The following COL4A3 variants were observed in gnomAD, a reference collection of about 807,000 sequenced individuals.
COL4A3 encodes collagen alpha-3(IV) chain.
In COL4A3, 135 loss-of-function variants were observed where a neutral mutation model predicts 217.4. That is an observed-to-expected ratio of 0.62 (90% confidence interval 0.54 to 0.72). COL4A3 has a LOEUF of 0.72. Among genes scored for constraint, COL4A3 ranks in the 30% least tolerant of loss-of-function variants. The probability of loss-of-function intolerance (pLI) is 0.00; values close to 1 mark genes in which losing one functional copy is unlikely to be tolerated. For synonymous variants in COL4A3, 690 were observed against 736.3 expected (o/e 0.94, Z 1.02); for missense variants, 1,868 against 2,119.9 (o/e 0.88, Z 2.33).
intron 1 of COL4A3, among the ~76,000 whole-genome samples, chr2:227,217,152 G>A (rs2067556114): frequency 6.6e-6 from 1 of 152,186 alleles, no homozygotes; most frequent in African/African-American, 2.4e-5. Flanking sequence ...AAGAGAGAAT[G>A]AGGACCAACT....
intron 21 of COL4A3, among the ~76,000 whole-genome samples, 165 bp downstream of exon 21, chr2:227,264,109 G>C (rs2070752695): frequency 6.6e-6 from 1 of 152,182 alleles, no homozygotes; most frequent in Non-Finnish European, 1.5e-5. Context: ...GAAAGAAACT[G>C]ATGCAATGAC....
chr2:227,277,146 C>T (rs530679047), intron 27 of COL4A3, among the ~76,000 whole-genome samples: 4 of 152,044 alleles, frequency 2.6e-5, no homozygotes, highest in Admixed American at 6.6e-5. Context: ...GGTGAAACCT[C>T]GTCTCTACTA....
At chr2:227,181,443 T>C (rs1342181859) in intron 1 of COL4A3, among the ~76,000 whole-genome samples, 1 of 152,232 alleles carries the variant, frequency 6.6e-6, no homozygotes, top group Non-Finnish European at 1.5e-5. Context: ...AACTAATTAT[T>C]AGATTGAACA....
chr2:227,190,071 A>G (rs1360156294), intron 1 of COL4A3, among the ~76,000 whole-genome samples: 1 of 151,728 alleles, frequency 6.6e-6, no homozygotes, highest in Non-Finnish European at 1.5e-5. Context: ...TGTCAGGTGG[A>G]AAAAAAAAGA....
chr2:227,195,567 A>G (rs6741411), intron 1 of COL4A3, among the ~76,000 whole-genome samples: 147,477 of 152,156 alleles, frequency 0.97, 71,500 homozygotes, highest in East Asian at 1. Context: ...GTTATGTACG[A>G]TACATAATAC....
At chr2:227,168,520 T>C (rs575644217) in intron 1 of COL4A3, among the ~76,000 whole-genome samples, 2 of 152,374 alleles carry the variant, frequency 1.3e-5, no homozygotes, top group South Asian at 4.1e-4. Flanking sequence ...AAGTTATTTA[T>C]ATATTTGGAT....
rs1455900250 is a variant in COL4A3 at position 227,266,405 on chromosome 2, GTATT to G, written c.1316-10_1316-7del. The stretch of plus-strand genomic sequence containing the variant: ...CAAATAAAAAATTGTCTTTGGTGCT[GTATT>G]TTTATAGGTGACATCGTTTTTCGCA... On this transcript the variant is annotated splice_polypyrimidine_tract_variant and splice_region_variant and intron_variant, in intron 21 of 51. Transcript: ENST00000396578. 1.2e-6 allele frequency: 2 copies of G among 1,607,010 alleles called. No individual in the cohort carries two copies. Among genetic ancestry groups the G allele is most frequent in the Non-Finnish European group, 1.7e-6 (2 of 1,173,776 alleles).
intron 1 of COL4A3, among the ~76,000 whole-genome samples, chr2:227,225,714 T>TA (rs1256219840): frequency 1.4e-5 from 2 of 145,990 alleles, no homozygotes; most frequent in African/African-American, 5.4e-5. Flanking sequence ...TCTTTCTTTT[T>TA]TTTTTTTTTT....
intron 4 of COL4A3, 178 bp from the exon 5 acceptor site, chr2:227,244,773 G>A (rs749995806): frequency 1.4e-5 from 11 of 787,050 alleles, no homozygotes; most frequent in Non-Finnish European, 2.2e-5. Context: ...TTACATAAAT[G>A]TGAGATTTAC....
chr2:227,202,775 C>CAT (rs2066758564), intron 1 of COL4A3, among the ~76,000 whole-genome samples: 3 of 116,222 alleles, frequency 2.6e-5, no homozygotes, highest in East Asian at 4.1e-4. Flanking sequence ...ATATATATCA[C>CAT]ATATATATAC....
intron 50 of COL4A3, 77 bp downstream of exon 50, chr2:227,309,395 TC>T: frequency 8.7e-7 from 1 of 1,144,002 alleles, no homozygotes; most frequent in Non-Finnish European, 1.3e-6. Flanking sequence ...AAAATGTGAT[TC>T]CCAGGGTCGA....
chr2:227,192,225 T>C (rs2066271029), intron 1 of COL4A3, among the ~76,000 whole-genome samples: 2 of 151,606 alleles, frequency 1.3e-5, no homozygotes, highest in African/African-American at 4.9e-5. Context: ...ATCAATTTTG[T>C]CTTGAACAGC....
rs2069646967 is a variant in COL4A3, at chr2:227,250,214, G to A, written c.547-926G>A. 6.6e-6 allele frequency among the ~76,000 whole-genome samples: 1 copy of A among 152,052 alleles called. No individual in the cohort carries two copies. The highest frequency in any genetic ancestry group is 1.5e-5 in the Non-Finnish European group (1 of 68,018). The stretch of plus-strand genomic sequence containing the variant: ...TGTAGTTCCAGCTACTTGGGAGGCT[G>A]AGGCAGGAGAATCACTTGAACCCGG... On this transcript the variant is annotated intron_variant, in intron 9 of 51. Coordinates refer to ENST00000396578, the MANE Select transcript of COL4A3 (RefSeq NM_000091.5). The surrounding 1 kb of genome is among the most constrained non-coding windows in gnomAD (Gnocchi z 4.1).
At chr2:227,290,323 C>A (rs2072610241) in intron 36 of COL4A3, among the ~76,000 whole-genome samples, 1 of 152,048 alleles carries the variant, frequency 6.6e-6, no homozygotes, top group South Asian at 2.1e-4. Context: ...CATGGCGAAA[C>A]CCCATCTCTA....
intron 9 of COL4A3, among the ~76,000 whole-genome samples, chr2:227,249,230 A>ATTTTTTTTTTTTTTTTT (rs1247683938): frequency 2.7e-4 from 4 of 14,692 alleles, no homozygotes; most frequent in East Asian, 2.7e-3. Context: ...ATATATATAT[A>ATTTTTTTTTTTTTTTTT]TTTTTTTTTT....
Position 227,246,025 on chromosome 2 carries a change from T to TTTTCACA in COL4A3, c.387+10_387+16dup. The TTTTCACA allele has an allele frequency of 6.2e-7, 1 of 1,600,696 alleles. No individual in the cohort carries two copies. Among genetic ancestry groups the TTTTCACA allele is most frequent in the Non-Finnish European group, 8.6e-7 (1 of 1,167,802 alleles). ...GATGCAGTGGTTCTAAGGTAAGTAC[T>TTTTCACA]TTTCACACAGAAGATGATTAATAAA... On this transcript the variant is annotated intron_variant, in intron 6 of 51. Coordinates refer to ENST00000396578, the MANE Select transcript of COL4A3 (RefSeq NM_000091.5).
chr2:227,249,671 G>A (rs1003545401), intron 9 of COL4A3, among the ~76,000 whole-genome samples: 1 of 152,138 alleles, frequency 6.6e-6, no homozygotes, highest in Non-Finnish European at 1.5e-5. Flanking sequence ...CTGAGGATGT[G>A]AAGTTAGATT....
chr2:227,190,414 A>G (rs1274527289), intron 1 of COL4A3, among the ~76,000 whole-genome samples: 1 of 152,196 alleles, frequency 6.6e-6, no homozygotes, highest in Non-Finnish European at 1.5e-5. Context: ...GTCTGTACCC[A>G]TTCCTGAGGA....
chr2:227,208,961 A>G (rs2067209429), intron 1 of COL4A3, among the ~76,000 whole-genome samples: 2 of 152,198 alleles, frequency 1.3e-5, no homozygotes, highest in Admixed American at 1.3e-4. Context: ...AAATGGCAAG[A>G]GAAAGAAGGA....
Sources: allele counts gnomAD v4.1 joint callset (sites outside exome capture counted in the v4.1 genomes callset), GRCh38; gene constraint gnomAD v4.1.1; non-coding constraint Gnocchi (gnomAD v3.1); transcripts MANE v1.5; gene names NCBI Gene and HGNC (gene_info 2026-07-23, HGNC 2026-07-21).